The following EXPH5 variants were observed in gnomAD, a reference collection of about 807,000 sequenced individuals.
EXPH5 encodes the protein exophilin-5.
In EXPH5, 42 loss-of-function variants were observed where a neutral mutation model predicts 41.1. The ratio of observed to expected loss-of-function variants is 1.02; its 90% CI spans 0.80 to 1.32. The LOEUF is 1.32. Among genes scored for constraint, EXPH5 ranks in the 40% most tolerant of loss-of-function variants. The pLI, the probability that EXPH5 is intolerant of heterozygous loss-of-function variation, is 0.00. For synonymous variants in EXPH5, 798 were observed against 833.5 expected (o/e 0.96, Z 0.73); for missense variants, 2,298 against 2,314.5 (o/e 0.99, Z 0.15).
At chr11:108,584,344 G>A (rs11212722) in intron 1 of EXPH5, among the ~76,000 whole-genome samples, 8,768 of 152,100 alleles carry the variant, frequency 0.058, 681 homozygotes, top group African/African-American at 0.17. Flanking sequence ...TAGGTGTGGC[G>A]TCACACAGCT....
At chr11:108,524,605 G>A (rs930760217) in intron 4 of EXPH5, among the ~76,000 whole-genome samples, 21 of 152,154 alleles carry the variant, frequency 1.4e-4, no homozygotes, top group Admixed American at 2.6e-4. Flanking sequence ...ATTCTGACCT[G>A]ACTAGACAAA....
intron 1 of EXPH5, among the ~76,000 whole-genome samples, chr11:108,542,774 A>C (rs2093919432): frequency 6.6e-6 from 1 of 152,186 alleles, no homozygotes; most frequent in African/African-American, 2.4e-5. Flanking sequence ...GCTGGAGCGC[A>C]GTGGTGTAAT....
chr11:108,517,460 T>C (rs1049723058), intron 5 of EXPH5, among the ~76,000 whole-genome samples: 1 of 152,240 alleles, frequency 6.6e-6, no homozygotes, highest in African/African-American at 2.4e-5. Flanking sequence ...GTATTGCCTT[T>C]GCAAACTAAA....
At chr11:108,523,272 A>G (rs541466620) in intron 4 of EXPH5, among the ~76,000 whole-genome samples, 59 of 152,196 alleles carry the variant, frequency 3.9e-4, no homozygotes, top group Non-Finnish European at 7.2e-4. Context: ...TTTGTGAATT[A>G]AGTAGGAATT....
At position 108,529,789 on chromosome 11, in the gene EXPH5, A is replaced by G. The variant is rs554586486; in HGVS notation, c.444-1605T>C. 7.0e-4 allele frequency among the ~76,000 whole-genome samples: 107 copies of G among 151,850 alleles called. 1 individual carries two copies. The highest frequency in any genetic ancestry group is 2.5e-3 in the African/African-American group (104 of 41,422). ...AACCTGGGAGGCAGAGGTTGCAGTG[A>G]GCTGAGATCACACCATTGCACTCCA... On this transcript the variant is annotated intron_variant, in intron 3 of 5. Coordinates refer to ENST00000265843, the MANE Select transcript of EXPH5 (RefSeq NM_015065.3).
chr11:108,566,310 A>G (rs55645834), intron 1 of EXPH5, among the ~76,000 whole-genome samples: 43,905 of 151,972 alleles, frequency 0.29, 6,466 homozygotes, highest in African/African-American at 0.37. Context: ...TCATTCCCCA[A>G]TGGATGAGTG....
rs147086519 is a variant in EXPH5, at chr11:108,591,247, T to C, written c.119+2171A>G. On this transcript the variant is annotated intron_variant, in intron 1 of 5. Coordinates refer to ENST00000265843, the MANE Select transcript of EXPH5 (RefSeq NM_015065.3). ...TTGAGTTATAAGTCATGTGTCCTGATTTTTGATTTGGAAAATATGATCACA... is the reference window on the plus strand; with the variant it reads ...TTGAGTTATAAGTCATGTGTCCTGACTTTTGATTTGGAAAATATGATCACA... Among the ~76,000 whole-genome samples, 1,087 of 152,356 alleles carry C rather than the reference T, an allele frequency of 7.1e-3. 9 individuals carry two copies. The highest frequency in any genetic ancestry group is 0.061 in the Middle Eastern group (18 of 294).
chr11:108,554,671 C>T (rs777583894), intron 1 of EXPH5, among the ~76,000 whole-genome samples: 8 of 152,104 alleles, frequency 5.3e-5, no homozygotes, highest in Non-Finnish European at 1.0e-4. Context: ...CCTGTAATCC[C>T]AGCACTTAGG....
At chr11:108,597,407 G>A (rs771072795), upstream of EXPH5, among the ~76,000 whole-genome samples, 7 of 151,968 alleles carry the variant, frequency 4.6e-5, no homozygotes, top group South Asian at 2.1e-4. Context: ...TATGTTGGAC[G>A]GCTGATCTTG....
In EXPH5 at chr11:108,513,759, C is replaced by A; in HGVS notation, c.1748G>T (p.Cys583Phe). ...LTPHFGTPNV[C>F]SMTGSSYHVK... ...GTGATAGCTTGAACCAGTCATGGAG[C>A]AAACATTTGGTGTGCCAAAATGAGG... is the stretch of plus-strand genomic sequence containing the variant. The change falls in exon 6 of 6, where the codon TGC becomes TTC. Residue 583 changes from cysteine to phenylalanine, a missense_variant. Transcript: ENST00000265843. 1 of 1,607,492 alleles carries A rather than the reference C, an allele frequency of 6.2e-7. No individual in the cohort carries two copies. Among genetic ancestry groups the A allele is most frequent in the Non-Finnish European group, 8.5e-7 (1 of 1,177,384 alleles).
Position 108,511,928 on chromosome 11 carries a change from A to G in EXPH5, c.3579T>C (p.Gly1193=), listed in dbSNP as rs1304043849. ...ENFQEYTEKE[G]KMAASRRSVF... is the part of the protein sequence containing the mutation. The stretch of plus-strand genomic sequence containing the variant: ...CACTTCTCCTGGAGGCAGCCATTTT[A>G]CCCTCTTTCTCAGTGTATTCTTGGA... The change falls in exon 6 of 6, where the codon GGT becomes GGC. Residue 1193 remains glycine (G), a synonymous_variant. Transcript: ENST00000265843. 9 of 1,599,230 alleles carry G rather than the reference A, an allele frequency of 5.6e-6. No individual in the cohort carries two copies. In the African/African-American group the frequency reaches 1.1e-4, roughly 19 times the overall value.
rs1220175138 is a variant in EXPH5 at position 108,512,625 on chromosome 11, C to A, written c.2882G>T (p.Cys961Phe). Reference sequence around the variant, plus strand: ...ATTCCTAAAAGGAGAGTGTGAATGGCATTTGACATCAACCACTTCATCATG... The same window carrying A: ...ATTCCTAAAAGGAGAGTGTGAATGGAATTTGACATCAACCACTTCATCATG... ...PTHDEVVDVK[C>F]HSHSPFRNER... The change falls in exon 6 of 6, where the codon TGC (cysteine) becomes TTC (phenylalanine). Residue 961 changes from cysteine (C) to phenylalanine (F), a missense_variant. By Grantham distance (205) the Cys-to-Phe change is radical. Coordinates refer to ENST00000265843, the MANE Select transcript of EXPH5 (RefSeq NM_015065.3). The A allele has an allele frequency of 5.6e-6, 9 of 1,613,810 alleles. No individual in the cohort carries two copies. The highest frequency in any genetic ancestry group is 7.6e-6 in the Non-Finnish European group (9 of 1,179,956).
intron 1 of EXPH5, among the ~76,000 whole-genome samples, chr11:108,545,950 G>A (rs964673649): frequency 2.0e-5 from 3 of 151,824 alleles, no homozygotes; most frequent in Non-Finnish European, 4.4e-5. Context: ...TATAACAAGG[G>A]GACCTGGGCT....
intron 1 of EXPH5, among the ~76,000 whole-genome samples, chr11:108,570,020 C>A (rs1476003730): frequency 1.3e-5 from 2 of 152,136 alleles, no homozygotes; most frequent in Non-Finnish European, 2.9e-5. Context: ...GGTTGACCTG[C>A]AATCAAAAAC....
Position 108,512,889 on chromosome 11 carries a change from G to T in EXPH5, c.2618C>A (p.Ser873Ter). ...KCKLTPGHKTSCDSLDLSSAA... is the reference protein window; with the variant it reads ...KCKLTPGHKT ...TGATGACAGATCTAAAGAATCACAC[G>T]AGGTCTTGTGGCCAGGAGTTAACTT... Residue 873 changes from serine (S) to a stop codon, truncating the protein, a stop_gained, in exon 6 of 6, where the codon TCG (serine) becomes TAG (stop). Transcript: ENST00000265843. LOFTEE classifies it low-confidence loss of function (END_TRUNC). 6.2e-7 allele frequency: 1 copy of T among 1,614,028 alleles called. No homozygotes were observed. Among genetic ancestry groups the T allele is most frequent in the Non-Finnish European group, 8.5e-7 (1 of 1,179,926 alleles).
intron 1 of EXPH5, among the ~76,000 whole-genome samples, chr11:108,589,218 G>C (rs529850224): frequency 6.6e-6 from 1 of 152,318 alleles, no homozygotes; most frequent in South Asian, 2.1e-4. Flanking sequence ...GGCCAATCCA[G>C]TGTCTGGCAC....
chr11:108,529,935 G>T (rs1347344006), intron 3 of EXPH5, among the ~76,000 whole-genome samples: 1 of 152,060 alleles, frequency 6.6e-6, no homozygotes, highest in East Asian at 1.9e-4. Context: ...ACAGTAATGG[G>T]GATCAAGAGC....
At chr11:108,558,806 A>C (rs890636079) in intron 1 of EXPH5, among the ~76,000 whole-genome samples, 2 of 152,214 alleles carry the variant, frequency 1.3e-5, no homozygotes, top group Non-Finnish European at 2.9e-5. Flanking sequence ...GAAAGTTTAC[A>C]CTGGTAAACA....
rs143742684 is a variant in EXPH5 at position 108,559,980 on chromosome 11, A to C, written c.120-18168T>G. ...CATTCTGGACTTTGCTTTAACTTTA[A>C]GGAATTTAATGTTGCAATATGAGAC... On this transcript the variant is annotated intron_variant, in intron 1 of 5. Transcript: ENST00000265843. Among the ~76,000 whole-genome samples, 569 of 152,362 alleles carry C rather than the reference A, an allele frequency of 3.7e-3. 14 individuals are homozygous for C. The highest frequency in any genetic ancestry group is 0.036 in the Admixed American group (546 of 15,298).
Sources: gnomAD v4.1 joint callset for allele counts (sites outside exome capture counted in the v4.1 genomes callset) on GRCh38, gnomAD v4.1.1 for gene constraint, MANE v1.5 for transcripts, NCBI Gene and HGNC (gene_info 2026-07-23, HGNC 2026-07-21) for gene names.